DIP2C: variants seen among roughly 807,000 people sequenced by gnomAD.
The protein encoded by DIP2C is DIP2 acetate--CoA ligase C (putative), also known as disco-interacting protein 2 homolog C.
In DIP2C, 33 loss-of-function variants were observed where a neutral mutation model predicts 192.4. The observed-to-expected ratio is 0.17, with a 90% CI of 0.13 to 0.23. The LOEUF (loss-of-function observed/expected upper bound fraction) is 0.23. Among genes scored for constraint, DIP2C ranks in the 10% least tolerant of loss-of-function variants. The pLI, the probability that DIP2C is intolerant of heterozygous loss-of-function variation, is 1.00. For missense variants in DIP2C, 1,537 were observed against 2,110.1 expected, an observed-to-expected ratio of 0.73 and a Z score of 5.32; for synonymous variants, 979 against 864.1, an observed-to-expected ratio of 1.13 and a Z score of -2.33.
At chr10:576,874 T>C (rs370014535) in intron 1 of DIP2C, among the ~76,000 whole-genome samples, 1 of 152,058 alleles carries the variant, frequency 6.6e-6, no homozygotes, top group South Asian at 2.1e-4. Flanking sequence ...CGTACTGTTG[T>C]GCTCCACCCT....
intron 31 of DIP2C, among the ~76,000 whole-genome samples, chr10:314,447 G>A (rs879045642): frequency 6.6e-6 from 1 of 152,092 alleles, no homozygotes; most frequent in East Asian, 1.9e-4. Flanking sequence ...CCCCGGTCTC[G>A]TCACCGCTAA....
chr10:532,578 TGAGA>T (rs1197489018), intron 1 of DIP2C, among the ~76,000 whole-genome samples: 4 of 91,706 alleles, frequency 4.4e-5, no homozygotes, highest in African/African-American at 1.2e-4. Context: ...AGTATGGGTG[TGAGA>T]GAGAGTATGG....
At chr10:487,135 C>T (rs561740744) in intron 1 of DIP2C, among the ~76,000 whole-genome samples, 1 of 152,338 alleles carries the variant, frequency 6.6e-6, no homozygotes, top group East Asian at 1.9e-4. Flanking sequence ...CACGGACGCG[C>T]AGCAGCCATG....
At chr10:470,875 C>G (rs756191821) in intron 3 of DIP2C, among the ~76,000 whole-genome samples, 1 of 152,178 alleles carries the variant, frequency 6.6e-6, no homozygotes, top group Non-Finnish European at 1.5e-5. Context: ...TCTGTGAGAA[C>G]TGAAGCCATG....
chr10:419,370 G>GACC (rs1226185038), intron 5 of DIP2C, among the ~76,000 whole-genome samples, 171 bp from the exon 6 acceptor site: 3 of 152,202 alleles, frequency 2.0e-5, no homozygotes, highest in African/African-American at 7.2e-5. Flanking sequence ...CACAAAGGGG[G>GACC]ACCCCAGCAT....
intron 4 of DIP2C, among the ~76,000 whole-genome samples, chr10:435,169 T>C (rs1967075462): frequency 6.6e-6 from 1 of 152,212 alleles, no homozygotes; most frequent in Non-Finnish European, 1.5e-5. Flanking sequence ...TGTTCTTTTT[T>C]GCTTTTTAGT....
At chr10:378,129 C>A (rs1042460373) in intron 17 of DIP2C, among the ~76,000 whole-genome samples, 10 of 152,144 alleles carry the variant, frequency 6.6e-5, no homozygotes, top group African/African-American at 2.4e-4. Context: ...GCACCACAAG[C>A]CCCTATTTCC....
intron 1 of DIP2C, among the ~76,000 whole-genome samples, chr10:626,186 T>G (rs1472058188): frequency 6.6e-6 from 1 of 152,154 alleles, no homozygotes; most frequent in Non-Finnish European, 1.5e-5. Context: ...GGCCTCCATG[T>G]GCACCTGTGA....
chr10:372,074 CTTTTTT>C (rs71376826), intron 17 of DIP2C, among the ~76,000 whole-genome samples: 102 of 137,586 alleles, frequency 7.4e-4, no homozygotes, highest in African/African-American at 1.8e-3. Context: ...ACCCCCTTTC[CTTTTTT>C]TTTTTTTTTT....
At chr10:365,166 A>C (rs1286980024) in intron 19 of DIP2C, 2 of 387,076 alleles carry the variant, frequency 5.2e-6, no homozygotes, top group East Asian at 1.5e-4. Context: ...GGGATATTTT[A>C]GAAAGTTGAA....
chr10:426,412 AAG>A (rs1966603688), intron 4 of DIP2C, among the ~76,000 whole-genome samples: 1 of 152,238 alleles, frequency 6.6e-6, no homozygotes, highest in African/African-American at 2.4e-5. Flanking sequence ...CAGTATTATC[AAG>A]AGAGCAATTC....
At chr10:537,844 T>C (rs1328061207) in intron 1 of DIP2C, among the ~76,000 whole-genome samples, 1 of 151,594 alleles carries the variant, frequency 6.6e-6, no homozygotes, top group Non-Finnish European at 1.5e-5. Context: ...CAGGCTGGAG[T>C]GCAGTGGCGA....
At chr10:586,943 C>T (rs1168507852) in intron 1 of DIP2C, among the ~76,000 whole-genome samples, 1 of 151,796 alleles carries the variant, frequency 6.6e-6, no homozygotes, top group Non-Finnish European at 1.5e-5. Flanking sequence ...TGGGGAGGGG[C>T]AAACAGTGCA....
At chr10:401,993 T>C (rs1400806920) in intron 9 of DIP2C, among the ~76,000 whole-genome samples, 124 of 136,804 alleles carry the variant, frequency 9.1e-4, no homozygotes, top group African/African-American at 1.5e-3. Context: ...TGATTTTACA[T>C]GTGTGGTAGC....
intron 1 of DIP2C, among the ~76,000 whole-genome samples, chr10:676,492 C>T (rs539510132): frequency 6.6e-6 from 1 of 150,406 alleles, no homozygotes. Flanking sequence ...AGACAATATG[C>T]TCTTATATAT....
intron 17 of DIP2C, among the ~76,000 whole-genome samples, chr10:373,903 G>T (rs1456825928): frequency 6.6e-6 from 1 of 152,152 alleles, no homozygotes; most frequent in East Asian, 1.9e-4. Flanking sequence ...AATAGTCTGG[G>T]CTTCCAGAGC....
intron 4 of DIP2C, among the ~76,000 whole-genome samples, chr10:423,838 C>T (rs1966384570): frequency 6.6e-6 from 1 of 152,218 alleles, no homozygotes; most frequent in Non-Finnish European, 1.5e-5. Context: ...TCCCCGTTTT[C>T]CTCCGGGGCA....
chr10:312,288 A>G (rs1956599719), intron 31 of DIP2C, among the ~76,000 whole-genome samples: 1 of 152,170 alleles, frequency 6.6e-6, no homozygotes, highest in African/African-American at 2.4e-5. Context: ...CTGCTGGACA[A>G]TTCCAGAAAT....
rs560015276 is a variant in DIP2C, at chr10:571,606, T to C, written c.86-85076A>G. Among the ~76,000 whole-genome samples, 52 of 152,248 alleles carry C rather than the reference T, an allele frequency of 3.4e-4. 1 individual carries two copies. Among genetic ancestry groups the C allele is most frequent in the African/African-American group, 1.2e-3 (49 of 41,544 alleles). On this transcript the variant is annotated intron_variant, in intron 1 of 36. Coordinates refer to ENST00000280886, the MANE Select transcript of DIP2C (RefSeq NM_014974.3). ...CTCAGCTGACACATTCTCAGTCAGGTCAGTAGAGGGTTTTCTTTCACTCTG... is the reference window on the plus strand; with the variant it reads ...CTCAGCTGACACATTCTCAGTCAGGCCAGTAGAGGGTTTTCTTTCACTCTG...
Sources: gnomAD v4.1 joint callset for allele counts (sites outside exome capture counted in the v4.1 genomes callset) on GRCh38, gnomAD v4.1.1 for gene constraint, MANE v1.5 for transcripts, NCBI Gene and HGNC (gene_info 2026-07-23, HGNC 2026-07-21) for gene names.